The following ARHGAP28 variants were observed in gnomAD, a reference collection of about 807,000 sequenced individuals.
The protein encoded by ARHGAP28 is Rho GTPase activating protein 28.
A neutral mutation model predicts 90.7 loss-of-function variants in ARHGAP28; 56 were observed. The ratio of observed to expected loss-of-function variants is 0.62; its 90% CI spans 0.50 to 0.77. The LOEUF (loss-of-function observed/expected upper bound fraction) is 0.77. Ranked by LOEUF, ARHGAP28 falls within the 30% of genes least tolerant of loss-of-function variation. The probability of loss-of-function intolerance (pLI) is 0.00; values close to 1 mark genes in which losing one functional copy is unlikely to be tolerated. For synonymous variants in ARHGAP28, 308 were observed against 323.3 expected, an observed-to-expected ratio of 0.95 and a Z score of 0.51; for missense variants, 869 against 900.9, an observed-to-expected ratio of 0.96 and a Z score of 0.45.
chr18:6,830,072 C>G (rs1003447441), intron 2 of ARHGAP28, among the ~76,000 whole-genome samples: 25 of 152,216 alleles, frequency 1.6e-4, no homozygotes, highest in Non-Finnish European at 2.2e-4. Context: ...GTCTGTGTTT[C>G]TTCTCTTCTT....
At chr18:6,778,127 G>T (rs1324856006) in intron 1 of ARHGAP28, among the ~76,000 whole-genome samples, 1 of 152,166 alleles carries the variant, frequency 6.6e-6, no homozygotes, top group African/African-American at 2.4e-5. Context: ...ACTAAGGATT[G>T]GTGTAGTCTG....
intron 1 of ARHGAP28, among the ~76,000 whole-genome samples, chr18:6,793,192 G>A (rs2056418382): frequency 1.3e-5 from 2 of 152,138 alleles, no homozygotes; most frequent in Admixed American, 6.5e-5. Flanking sequence ...CAATAAATAT[G>A]GAACCCTAAA....
intron 5 of ARHGAP28, among the ~76,000 whole-genome samples, chr18:6,861,002 C>T (rs762350340): frequency 1.4e-4 from 21 of 152,162 alleles, no homozygotes; most frequent in Non-Finnish European, 2.2e-4. Context: ...CTGCTTTAGA[C>T]GTCATCTCAA....
chr18:6,859,288 C>T (rs1419526503), intron 4 of ARHGAP28, among the ~76,000 whole-genome samples: 1 of 152,098 alleles, frequency 6.6e-6, no homozygotes, highest in Non-Finnish European at 1.5e-5. Context: ...ATAGGCCAGC[C>T]GCATGGACAC....
intron 5 of ARHGAP28, among the ~76,000 whole-genome samples, chr18:6,862,471 A>G (rs8082943): frequency 0.75 from 114,695 of 152,114 alleles, 45,609 homozygotes; most frequent in Non-Finnish European, 0.9. Flanking sequence ...GACCTAACCC[A>G]TATCTTTCCC....
chr18:6,816,898 G>A (rs957472555), intron 1 of ARHGAP28, among the ~76,000 whole-genome samples: 1 of 151,870 alleles, frequency 6.6e-6, no homozygotes, highest in African/African-American at 2.4e-5. Flanking sequence ...GATTAGTCTG[G>A]GTAACATAAC....
intron 1 of ARHGAP28, among the ~76,000 whole-genome samples, chr18:6,808,438 C>T (rs1048448735): frequency 5.9e-5 from 9 of 151,740 alleles, no homozygotes; most frequent in African/African-American, 2.2e-4. Context: ...TTATTTGTTC[C>T]TTTTTCTTTC....
intron 5 of ARHGAP28, among the ~76,000 whole-genome samples, chr18:6,861,853 T>C (rs1054551325): frequency 6.6e-6 from 1 of 152,226 alleles, no homozygotes; most frequent in Non-Finnish European, 1.5e-5. Flanking sequence ...ACAAATAGGC[T>C]TTTTGCAAGT....
chr18:6,783,502 T>C (rs368361446), intron 1 of ARHGAP28, among the ~76,000 whole-genome samples: 8 of 143,482 alleles, frequency 5.6e-5, no homozygotes, highest in African/African-American at 2.4e-4. Flanking sequence ...GGTTTCTCCA[T>C]GTTGGTCAGG....
In ARHGAP28 at chr18:6,883,310, CT is replaced by C. The variant is rs2057194361; in HGVS notation, c.1453+1012del. On this transcript the variant is annotated intron_variant, in intron 11 of 17. Transcript: ENST00000383472. ...CTGGAGTTCAGTGATGCGATCTTGG[CT>C]CACAGCAACCTCCACCCCCGGGATT... Among the ~76,000 whole-genome samples the C allele has an allele frequency of 2.0e-5, 3 of 151,440 alleles. No individual in the cohort carries two copies. The South Asian group carries it at 6.3e-4, about 32-fold the overall frequency.
At chr18:6,909,608 A>G (rs1419732103) in intron 17 of ARHGAP28, among the ~76,000 whole-genome samples, 4 of 152,032 alleles carry the variant, frequency 2.6e-5, no homozygotes, top group African/African-American at 9.7e-5. Flanking sequence ...CGGTCTTTTC[A>G]GTGTGATTTG....
At chr18:6,909,741 A>G (rs1600314214) in intron 17 of ARHGAP28, among the ~76,000 whole-genome samples, 1 of 151,910 alleles carries the variant, frequency 6.6e-6, no homozygotes, top group African/African-American at 2.4e-5. Flanking sequence ...CATTCTTTCT[A>G]TTTCCCTGGG....
intron 1 of ARHGAP28, among the ~76,000 whole-genome samples, chr18:6,796,769 T>G (rs1164818162): frequency 1.3e-5 from 2 of 152,228 alleles, no homozygotes; most frequent in African/African-American, 4.8e-5. Flanking sequence ...AGGAGCAAGT[T>G]TCCCTATTAG....
At chr18:6,796,518 G>A (rs1024637090) in intron 1 of ARHGAP28, among the ~76,000 whole-genome samples, 2 of 152,028 alleles carry the variant, frequency 1.3e-5, no homozygotes, top group African/African-American at 4.8e-5. Context: ...TGTATTTGAT[G>A]TGTAGGTCAT....
At position 6,913,239 on chromosome 18, in the gene ARHGAP28, A is replaced by G. The variant is rs2143898630; in HGVS notation, c.*1085A>G. 1 of 152,332 alleles carries G rather than the reference A, an allele frequency of 6.6e-6. No individual in the cohort carries two copies. The highest frequency in any genetic ancestry group is 1.9e-4 in the East Asian group (1 of 5,182). 9.4% of individuals were successfully genotyped at this position (152,332 alleles called of 1,614,324 possible). A position where few individuals can be genotyped will look rare whatever the true frequency, so the allele number is the denominator to read the frequency against. On this transcript the variant is annotated 3_prime_UTR_variant, in exon 18 of 18. Coordinates refer to ENST00000383472, the MANE Select transcript of ARHGAP28 (RefSeq NM_001366230.1). The stretch of plus-strand genomic sequence containing the variant: ...TAAGATGACCACTGTCTCACTATCA[A>G]GAGCCTGCAGAGCCATTTTCCAGAC...
Position 6,914,479 on chromosome 18 carries a change from A to G in ARHGAP28, c.*2325A>G, listed in dbSNP as rs564110638. On this transcript the variant is annotated 3_prime_UTR_variant, in exon 18 of 18. Coordinates refer to ENST00000383472, the MANE Select transcript of ARHGAP28 (RefSeq NM_001366230.1). ...AGAATTTTTAGTAGATACACAGACT[A>G]ATATTTGTGTGGAGGTTCTTTTGAC... 97 of 152,316 alleles carry G rather than the reference A, an allele frequency of 6.4e-4. No individual in the cohort carries two copies. The highest frequency in any genetic ancestry group is 2.1e-3 in the African/African-American group (87 of 41,576). 9.4% of individuals were successfully genotyped at this position (152,316 alleles called of 1,614,324 possible).
rs1567969955 is a variant in ARHGAP28 at position 6,850,826 on chromosome 18, C to A, written c.544-208C>A. On this transcript the variant is annotated intron_variant, in intron 3 of 17. Transcript: ENST00000383472. ...GCAGAGTTTGCTTCTGAGACGAATTCTGTTACAGTACATGGCATTTATGAG... is the reference window on the plus strand; with the variant it reads ...GCAGAGTTTGCTTCTGAGACGAATTATGTTACAGTACATGGCATTTATGAG... 2.6e-6 allele frequency: 4 copies of A among 1,522,528 alleles called. No individual in the cohort carries two copies. The South Asian group carries it at 4.8e-5, about 18-fold the overall frequency. The allele number at this position is 1,522,528 out of a possible 1,614,324, so 94.3% of individuals were successfully genotyped here.
At chr18:6,882,681 G>A (rs910871207) in intron 11 of ARHGAP28, among the ~76,000 whole-genome samples, 3 of 152,116 alleles carry the variant, frequency 2.0e-5, no homozygotes, top group Non-Finnish European at 4.4e-5. Context: ...ATAGAGCCTG[G>A]TGTGTGATAA....
intron 17 of ARHGAP28, among the ~76,000 whole-genome samples, chr18:6,909,857 G>A (rs897790352): frequency 6.6e-6 from 1 of 151,956 alleles, no homozygotes; most frequent in Non-Finnish European, 1.5e-5. Flanking sequence ...CCTCTCACCA[G>A]CACCCTCCAC....
Sources: gnomAD v4.1 joint callset for allele counts (sites outside exome capture counted in the v4.1 genomes callset) on GRCh38, gnomAD v4.1.1 for gene constraint, MANE v1.5 for transcripts, NCBI Gene and HGNC (gene_info 2026-07-23, HGNC 2026-07-21) for gene names.